Variants in SETBP1 observed in about 807,000 individuals in gnomAD.
The protein encoded by SETBP1 is SET-binding protein.
Under a neutral mutation model 101.0 loss-of-function variants are expected in SETBP1, and 9 were observed. The ratio of observed to expected loss-of-function variants is 0.09; its 90% CI spans 0.05 to 0.16. The LOEUF (loss-of-function observed/expected upper bound fraction) is 0.16, where lower values mean the gene tolerates loss of function less well. SETBP1 is among the 10% of genes least tolerant of loss of function. SETBP1 has a pLI of 1.00. For synonymous variants in SETBP1, 818 were observed against 788.5 expected (o/e 1.04, Z -0.63); for missense variants, 1,858 against 2,033.8 (o/e 0.91, Z 1.66).
intron 3 of SETBP1, among the ~76,000 whole-genome samples, chr18:44,875,500 G>C (rs2069379120): frequency 7.8e-6 from 1 of 127,692 alleles, no homozygotes; most frequent in African/African-American, 3.0e-5. Context: ...CTGCACTCCA[G>C]CCTGGCAAGA....
intron 5 of SETBP1, among the ~76,000 whole-genome samples, chr18:45,056,776 T>G (rs968872647): frequency 6.6e-6 from 1 of 152,150 alleles, no homozygotes; most frequent in Non-Finnish European, 1.5e-5. Context: ...ATAAACATGC[T>G]CACACTTAAC....
chr18:44,734,925 A>G (rs2069930393), intron 2 of SETBP1, among the ~76,000 whole-genome samples: 1 of 152,218 alleles, frequency 6.6e-6, no homozygotes, highest in African/African-American at 2.4e-5. Flanking sequence ...ATAAATACAA[A>G]TTGACTCTAT....
chr18:44,911,932 TACACACACCC>T (rs2070318884), intron 3 of SETBP1, among the ~76,000 whole-genome samples: 1 of 130,448 alleles, frequency 7.7e-6, no homozygotes, highest in Non-Finnish European at 1.7e-5. Context: ...TGCTCCTGCA[TACACACACCC>T]ACACACACAC....
intron 4 of SETBP1, among the ~76,000 whole-genome samples, chr18:44,968,591 AGTGATCACTGT>A (rs2071773473): frequency 6.6e-6 from 1 of 152,192 alleles, no homozygotes; most frequent in Non-Finnish European, 1.5e-5. Context: ...GGAATGGCAT[AGTGATCACTGT>A]GTCTTATGCT....
chr18:44,789,524 A>T (rs2071325047), intron 2 of SETBP1, among the ~76,000 whole-genome samples: 1 of 152,240 alleles, frequency 6.6e-6, no homozygotes. Context: ...TATGTGGAAG[A>T]TCACTCAGCA....
intron 2 of SETBP1, among the ~76,000 whole-genome samples, chr18:44,831,691 T>A (rs2072373752): frequency 6.6e-6 from 1 of 152,242 alleles, no homozygotes; most frequent in African/African-American, 2.4e-5. Context: ...AGGTGAACAC[T>A]CTTCATGTCT....
chr18:44,906,708 C>A (rs1384827507), intron 3 of SETBP1, among the ~76,000 whole-genome samples: 1 of 151,992 alleles, frequency 6.6e-6, no homozygotes, highest in Non-Finnish European at 1.5e-5. Flanking sequence ...AAAGAAAACA[C>A]AACAGAAGAA....
chr18:44,842,075 C>A (rs1321581768), intron 2 of SETBP1, among the ~76,000 whole-genome samples: 1 of 152,178 alleles, frequency 6.6e-6, no homozygotes, highest in African/African-American at 2.4e-5. Context: ...CATTGCCATT[C>A]AACTTTTATT....
intron 3 of SETBP1, among the ~76,000 whole-genome samples, chr18:44,932,270 ACT>A (rs1320130920): frequency 2.0e-5 from 3 of 152,064 alleles, no homozygotes; most frequent in Admixed American, 6.5e-5. Context: ...ATTGGTCCCC[ACT>A]CTCTTCTGGC....
At chr18:44,795,486 A>G (rs2071456200) in intron 2 of SETBP1, among the ~76,000 whole-genome samples, 1 of 152,158 alleles carries the variant, frequency 6.6e-6, no homozygotes, top group Non-Finnish European at 1.5e-5. Flanking sequence ...TAGCAGGGGA[A>G]ACTGTGTCTC....
At position 44,860,345 on chromosome 18, in the gene SETBP1, T is replaced by G. The variant is rs1381357968; in HGVS notation, c.487-8885T>G. On this transcript the variant is annotated intron_variant, in intron 2 of 5. Transcript: ENST00000649279. ...AGGAAAGGACCTACAACCCAGATTGTGCTCCTGAGAAGCAACATATCTTTA... is the reference window on the plus strand; with the variant it reads ...AGGAAAGGACCTACAACCCAGATTGGGCTCCTGAGAAGCAACATATCTTTA... Among the ~76,000 whole-genome samples the G allele has an allele frequency of 3.3e-5, 5 of 152,214 alleles. No individual in the cohort carries two copies. The East Asian group carries it at 9.6e-4, about 29-fold the overall frequency.
At chr18:44,819,954 CA>C (rs542858088) in intron 2 of SETBP1, among the ~76,000 whole-genome samples, 11 of 148,628 alleles carry the variant, frequency 7.4e-5, no homozygotes, top group African/African-American at 1.2e-4. Flanking sequence ...TCATTCTTTA[CA>C]AAAAAAAAAG....
intron 2 of SETBP1, among the ~76,000 whole-genome samples, chr18:44,806,267 T>A (rs1174988948): frequency 6.6e-6 from 1 of 152,192 alleles, no homozygotes; most frequent in African/African-American, 2.4e-5. Context: ...TCAAACTCTG[T>A]TTTTGGCTTT....
chr18:45,045,059 A>G (rs2073582258), intron 5 of SETBP1, among the ~76,000 whole-genome samples: 1 of 152,126 alleles, frequency 6.6e-6, no homozygotes, highest in Non-Finnish European at 1.5e-5. Flanking sequence ...AGGCAGGTGG[A>G]TCACCTGAGG....
chr18:45,057,539 C>A (rs1208344737), intron 5 of SETBP1, among the ~76,000 whole-genome samples: 1 of 152,108 alleles, frequency 6.6e-6, no homozygotes, highest in East Asian at 1.9e-4. Flanking sequence ...GTGGCCTTTG[C>A]CTTCAGAGAA....
chr18:45,044,738 C>G (rs969665636), intron 5 of SETBP1, among the ~76,000 whole-genome samples: 2 of 152,066 alleles, frequency 1.3e-5, no homozygotes, highest in Admixed American at 6.6e-5. Flanking sequence ...GTATTATTTT[C>G]AAAAAACTAA....
chr18:45,055,794 A>AT (rs1029355234), intron 5 of SETBP1, among the ~76,000 whole-genome samples: 5 of 151,968 alleles, frequency 3.3e-5, no homozygotes, highest in African/African-American at 2.4e-5. Context: ...TAGATGGTCC[A>AT]TTTTTTTTAG....
chr18:44,823,056 A>AG (rs1362930541), intron 2 of SETBP1, among the ~76,000 whole-genome samples: 4 of 152,176 alleles, frequency 2.6e-5, no homozygotes, highest in African/African-American at 9.7e-5. Flanking sequence ...ACTTGAACTC[A>AG]GGTGGTGGAG....
chr18:44,956,506 C>T (rs758895759), intron 4 of SETBP1, among the ~76,000 whole-genome samples: 2 of 152,072 alleles, frequency 1.3e-5, no homozygotes, highest in South Asian at 4.2e-4. Context: ...AAATAAGCAC[C>T]TGCACTTTCT....
Sources: allele counts gnomAD v4.1 joint callset (sites outside exome capture counted in the v4.1 genomes callset), GRCh38; gene constraint gnomAD v4.1.1; transcripts MANE v1.5; gene names NCBI Gene and HGNC (gene_info 2026-07-23, HGNC 2026-07-21).